Variants in LOXHD1 observed in about 807,000 individuals in gnomAD.
LOXHD1 encodes lipoxygenase homology domain-containing protein 1.
LOXHD1 carries 205 observed loss-of-function variants against 248.2 expected under a neutral mutation model. The observed-to-expected ratio is 0.83, with a 90% CI of 0.74 to 0.93. The LOEUF (loss-of-function observed/expected upper bound fraction) is 0.93, where lower values mean the gene tolerates loss of function less well. LOXHD1 is among the 40% of genes least tolerant of loss of function. The pLI is 0.00. For missense variants in LOXHD1, 2,930 were observed against 2,971.6 expected, an observed-to-expected ratio of 0.99 and a Z score of 0.33; for synonymous variants, 1,113 against 1,162.8, an observed-to-expected ratio of 0.96 and a Z score of 0.87.
At chr18:46,648,136 T>C (rs1334836032) in intron 2 of LOXHD1, among the ~76,000 whole-genome samples, 2 of 152,178 alleles carry the variant, frequency 1.3e-5, no homozygotes, top group East Asian at 3.9e-4. Flanking sequence ...CACACGCCTG[T>C]AGTTCCAGCT....
Position 46,541,099 on chromosome 18 carries a change from A to C in LOXHD1, c.3913+677T>G, listed in dbSNP as rs146264289. Among the ~76,000 whole-genome samples the C allele has an allele frequency of 3.3e-5, 5 of 152,346 alleles. No homozygotes were observed. In the East Asian group the frequency reaches 9.6e-4, roughly 29 times the overall value. ...TTTAGTTAATTTCAGTTTGATTCCC[A>C]GTACATAGTACTACATACTTACATG... On this transcript the variant is annotated intron_variant, in intron 25 of 40. Coordinates refer to ENST00000642948, the MANE Select transcript of LOXHD1 (RefSeq NM_001384474.1).
At chr18:46,481,936 GTT>G (rs1388728875) in intron 40 of LOXHD1, among the ~76,000 whole-genome samples, 1 of 152,148 alleles carries the variant, frequency 6.6e-6, no homozygotes, top group Non-Finnish European at 1.5e-5. Context: ...ATTTTATTTT[GTT>G]TTGTTTATTT....
At chr18:46,529,463 T>C in intron 28 of LOXHD1, 132 bp from the exon 29 acceptor site, 2 of 1,033,932 alleles carry the variant, frequency 1.9e-6, no homozygotes, top group Non-Finnish European at 1.4e-6. Flanking sequence ...TGCCTTCCTT[T>C]TGTTTGCTCA....
At chr18:46,642,219 G>A (rs2038971939) in intron 2 of LOXHD1, among the ~76,000 whole-genome samples, 183 bp from the exon 3 acceptor site, 3 of 152,236 alleles carry the variant, frequency 2.0e-5, no homozygotes, top group Admixed American at 2.0e-4. Context: ...GGGACTGCTA[G>A]TATCATTCCG....
At chr18:46,572,202 G>T in intron 14 of LOXHD1, 40 bp from the exon 15 acceptor site, 1 of 1,517,548 alleles carries the variant, frequency 6.6e-7, no homozygotes, top group Non-Finnish European at 9.0e-7. Context: ...TTTGGGTGGA[G>T]CAGGCAGACA....
rs1177354157 is a variant in LOXHD1, at chr18:46,594,495, G to A, written c.1135-29C>T. ...GGGAGAGTGGAGCACAGTGTCTCCG[G>A]CATTGAGTCTCCAGTAGGGTCCTCT... On this transcript the variant is annotated intron_variant, in intron 8 of 40. Coordinates refer to ENST00000642948, the MANE Select transcript of LOXHD1 (RefSeq NM_001384474.1). 21 of 1,550,392 alleles carry A rather than the reference G, an allele frequency of 1.4e-5. No individual in the cohort carries two copies. The East Asian group carries it at 4.9e-4, about 36-fold the overall frequency.
At chr18:46,576,017 T>C (rs983726573) in intron 14 of LOXHD1, among the ~76,000 whole-genome samples, 5 of 152,070 alleles carry the variant, frequency 3.3e-5, no homozygotes, top group Non-Finnish European at 7.4e-5. Context: ...AGCCTCAACA[T>C]CCCTCTGCAG....
chr18:46,505,927 A>T lies in LOXHD1; in HGVS notation c.5789T>A (p.Phe1930Tyr). ...ALKQSANWNKFERNNTDTFNF... is the reference protein window; with the variant it reads ...ALKQSANWNKYERNNTDTFNF... The stretch of plus-strand genomic sequence containing the variant: ...GAATGTGTCCGTGTTGTTCCGCTCA[A>T]ACTTGTTCCAGTTTGCCGACTGCTT... The change falls in exon 37 of 41, where the codon TTT (phenylalanine) becomes TAT (tyrosine). Residue 1930 changes from phenylalanine (F) to tyrosine (Y), a missense_variant. Phe to Tyr is a conservative substitution (Grantham distance 22). Transcript: ENST00000642948. The T allele has an allele frequency of 6.4e-7, 1 of 1,552,030 alleles. No homozygotes were observed. The highest frequency in any genetic ancestry group is 8.7e-7 in the Non-Finnish European group (1 of 1,147,066).
chr18:46,593,636 G>A lies in LOXHD1; in HGVS notation c.1395C>T (p.Asn465=), dbSNP rs1319488340. ...CGATTATGCCGGGTTTGAACCACTTGTTGTTGGGATTCAGGAGAATCTCAT... is the reference window on the plus strand; with the variant it reads ...CGATTATGCCGGGTTTGAACCACTTATTGTTGGGATTCAGGAGAATCTCAT... The part of the protein sequence containing the change: ...RTDEILLNPN[N]KWFKPGIIEK... The change falls in exon 10 of 41, where the codon AAC becomes AAT. Residue 465 remains asparagine (N), a synonymous_variant. Coordinates refer to ENST00000642948, the MANE Select transcript of LOXHD1 (RefSeq NM_001384474.1). 6.4e-7 allele frequency: 1 copy of A among 1,552,260 alleles called. No homozygotes were observed. The highest frequency in any genetic ancestry group is 8.7e-7 in the Non-Finnish European group (1 of 1,147,108).
chr18:46,657,092 C>T lies in LOXHD1; in HGVS notation c.-59G>A. On this transcript the variant is annotated 5_prime_UTR_variant, in exon 1 of 41. Transcript: ENST00000642948. ...TCACTGTGCCGCCTCCTCACACCTG[C>T]GGGAACCTGAGACCTCCTCCCTGAG... The T allele has an allele frequency of 6.4e-7, 1 of 1,550,430 alleles. No homozygotes were observed. Among genetic ancestry groups the T allele is most frequent in the East Asian group, 2.4e-5 (1 of 40,880 alleles).
chr18:46,480,223 CTT>C (rs1209141514), intron 40 of LOXHD1, among the ~76,000 whole-genome samples: 1 of 152,060 alleles, frequency 6.6e-6, no homozygotes, highest in Non-Finnish European at 1.5e-5. Context: ...TTTGCTCCCT[CTT>C]TGCTTGGCTC....
chr18:46,498,125 A>G (rs2033994305), intron 37 of LOXHD1, among the ~76,000 whole-genome samples: 1 of 152,168 alleles, frequency 6.6e-6, no homozygotes, highest in Admixed American at 6.5e-5. Flanking sequence ...CCAGTTGTAA[A>G]AGTTAGGAGC....
chr18:46,522,002 C>T lies in LOXHD1; in HGVS notation c.5085+99G>A. On this transcript the variant is annotated intron_variant, in intron 32 of 40. Transcript: ENST00000642948. ...TGCTCTAAGGGGTGCTGCAGGTAGG[C>T]TGTTCTTCCCACCCTGCACTCTCCC... The T allele has an allele frequency of 3.3e-6, 3 of 919,732 alleles. No homozygotes were observed. The South Asian group carries it at 5.2e-5, about 16-fold the overall frequency. 57.0% of individuals were successfully genotyped at this position (919,732 alleles called of 1,614,324 possible). A position where few individuals can be genotyped will look rare whatever the true frequency, so the allele number is the denominator to read the frequency against.
chr18:46,592,771 A>C (rs2038195364), intron 10 of LOXHD1, among the ~76,000 whole-genome samples, 187 bp from the exon 11 acceptor site: 2 of 152,094 alleles, frequency 1.3e-5, no homozygotes, highest in African/African-American at 4.8e-5. Flanking sequence ...GGAGCACGTG[A>C]GGGCAAGACA....
chr18:46,566,513 C>T, intron 16 of LOXHD1, 64 bp from the exon 17 acceptor site: 5 of 1,390,808 alleles, frequency 3.6e-6, no homozygotes, highest in Non-Finnish European at 4.9e-6. Context: ...TGATCCCATC[C>T]CTACCTCCCC....
chr18:46,573,449 C>G (rs975984971), intron 14 of LOXHD1, among the ~76,000 whole-genome samples: 2 of 152,174 alleles, frequency 1.3e-5, no homozygotes, highest in African/African-American at 4.8e-5. Flanking sequence ...GTTCATTGTT[C>G]CCCAGGATAC....
chr18:46,609,661 C>G (rs775443738), intron 6 of LOXHD1, among the ~76,000 whole-genome samples: 3 of 152,202 alleles, frequency 2.0e-5, no homozygotes, highest in Non-Finnish European at 4.4e-5. Flanking sequence ...CGGACCTCAG[C>G]CTGGTGTGAA....
chr18:46,552,175 A>T (rs1381611105), intron 21 of LOXHD1, among the ~76,000 whole-genome samples: 2 of 152,240 alleles, frequency 1.3e-5, no homozygotes, highest in Non-Finnish European at 2.9e-5. Flanking sequence ...ACACTTAAAA[A>T]TGGTTAAGGT....
intron 40 of LOXHD1, among the ~76,000 whole-genome samples, 192 bp from the exon 41 acceptor site, chr18:46,478,144 C>T (rs561582461): frequency 9.2e-5 from 14 of 152,328 alleles, no homozygotes; most frequent in African/African-American, 3.4e-4. Context: ...GGACGGGCAT[C>T]TCCATTCTTC....
Sources: allele counts gnomAD v4.1 joint callset (sites outside exome capture counted in the v4.1 genomes callset), GRCh38; gene constraint gnomAD v4.1.1; transcripts MANE v1.5; gene names NCBI Gene and HGNC (gene_info 2026-07-23, HGNC 2026-07-21).